Variants in ASCC1 observed in about 807,000 individuals in gnomAD.
The protein encoded by ASCC1 is ASC-1 complex subunit P50.
Under a neutral mutation model 46.6 loss-of-function variants are expected in ASCC1, and 35 were observed. That is an observed-to-expected ratio of 0.75 (90% CI 0.57 to 0.99). The LOEUF is 0.99. ASCC1 is among the 50% of genes least tolerant of loss of function. ASCC1 has a pLI of 0.00. For synonymous variants in ASCC1, 143 were observed against 146.6 expected (o/e 0.98, Z 0.18); for missense variants, 376 against 428.7 (o/e 0.88, Z 1.09).
intron 9 of ASCC1, among the ~76,000 whole-genome samples, chr10:72,099,138 T>C (rs1332126818): frequency 1.3e-5 from 2 of 152,194 alleles, no homozygotes; most frequent in African/African-American, 4.8e-5. Flanking sequence ...GCTACCTTCT[T>C]CTCTTTGTGC....
chr10:72,176,822 G>C (rs950005115), intron 5 of ASCC1, among the ~76,000 whole-genome samples: 1 of 151,984 alleles, frequency 6.6e-6, no homozygotes, highest in Admixed American at 6.6e-5. Flanking sequence ...TACCTCACAA[G>C]TGACATTTCC....
At chr10:72,172,414 C>CA (rs1041390323) in intron 5 of ASCC1, among the ~76,000 whole-genome samples, 4,123 of 39,706 alleles carry the variant, frequency 0.1, 142 homozygotes, top group Non-Finnish European at 0.15. Context: ...AACTCAGTCT[C>CA]AAAAAAAAAA....
At chr10:72,212,730 C>T (rs1453911023) in intron 2 of ASCC1, among the ~76,000 whole-genome samples, 1 of 151,996 alleles carries the variant, frequency 6.6e-6, no homozygotes, top group Non-Finnish European at 1.5e-5. Context: ...TGGCTGTAAT[C>T]CCAGCTACTC....
At chr10:72,103,072 C>T (rs769891740) in intron 9 of ASCC1, 2 of 371,672 alleles carry the variant, frequency 5.4e-6, no homozygotes, top group East Asian at 9.3e-5. Context: ...ATTAAGTAAA[C>T]ACATGTGCCA....
chr10:72,205,428 C>A (rs1351714356), intron 3 of ASCC1, among the ~76,000 whole-genome samples: 1 of 152,038 alleles, frequency 6.6e-6, no homozygotes, highest in Non-Finnish European at 1.5e-5. Context: ...GTGAGGAGAT[C>A]GAGGCCAGCC....
rs1844788803 is a variant in ASCC1, at chr10:72,125,741, A to C, written c.957+2341T>G. Among the ~76,000 whole-genome samples the C allele has an allele frequency of 2.6e-5, 4 of 152,314 alleles. No individual in the cohort carries two copies. The South Asian group carries it at 8.3e-4, about 32-fold the overall frequency. ...CTAGTGATTAAGGAGTAAAATATTA[A>C]ATACTATACTAAAGGATACGTCATC... On this transcript the variant is annotated intron_variant, in intron 9 of 9. Coordinates refer to ENST00000672957, the MANE Select transcript of ASCC1 (RefSeq NM_001198800.3).
At chr10:72,205,420 G>A (rs59263178) in intron 3 of ASCC1, among the ~76,000 whole-genome samples, 1 of 151,560 alleles carries the variant, frequency 6.6e-6, no homozygotes, top group Non-Finnish European at 1.5e-5. Context: ...CACCTGAGGT[G>A]AGGAGATCGA....
chr10:72,197,401 G>A (rs1855603227), intron 4 of ASCC1, among the ~76,000 whole-genome samples: 1 of 150,050 alleles, frequency 6.7e-6, no homozygotes, highest in African/African-American at 2.5e-5. Flanking sequence ...CCAGGAGGTG[G>A]AGCTTGCAGT....
At chr10:72,149,975 C>A (rs1053336020) in intron 7 of ASCC1, among the ~76,000 whole-genome samples, 48 of 152,032 alleles carry the variant, frequency 3.2e-4, no homozygotes, top group African/African-American at 1.1e-3. Context: ...CACGTGAGGT[C>A]AGGGGTTCGA....
At chr10:72,195,788 C>A (rs113639652) in intron 5 of ASCC1, among the ~76,000 whole-genome samples, 20,527 of 150,040 alleles carry the variant, frequency 0.14, 3,998 homozygotes, top group African/African-American at 0.43. Flanking sequence ...GAGCCAAGAT[C>A]GAGCCATTGC....
intron 8 of ASCC1, among the ~76,000 whole-genome samples, chr10:72,129,878 G>A (rs1845365581): frequency 6.7e-6 from 1 of 150,300 alleles, no homozygotes; most frequent in Admixed American, 6.7e-5. Flanking sequence ...CTACTCAGGA[G>A]GCTGAAGTGG....
At chr10:72,164,795 C>T (rs1013094499) in intron 5 of ASCC1, among the ~76,000 whole-genome samples, 3 of 152,086 alleles carry the variant, frequency 2.0e-5, no homozygotes, top group South Asian at 2.1e-4. Context: ...CTGACACTTG[C>T]TTTTTAAAAA....
chr10:72,104,002 T>C (rs1040237839), intron 9 of ASCC1, among the ~76,000 whole-genome samples: 13 of 152,300 alleles, frequency 8.5e-5, no homozygotes, highest in African/African-American at 2.9e-4. Context: ...TTAAATAAAT[T>C]TGTATGTTTT....
intron 9 of ASCC1, among the ~76,000 whole-genome samples, chr10:72,099,936 TTAGTATTTCCGTAGCAATA>T (rs1841547469): frequency 6.6e-6 from 1 of 152,146 alleles, no homozygotes; most frequent in Non-Finnish European, 1.5e-5. Flanking sequence ...CTATGGAAAA[TTAGTATTTCCGTAGCAATA>T]TGGTATTTCC....
At chr10:72,117,978 G>T (rs1207863138) in intron 9 of ASCC1, among the ~76,000 whole-genome samples, 1 of 152,202 alleles carries the variant, frequency 6.6e-6, no homozygotes, top group African/African-American at 2.4e-5. Context: ...TGCTATAATA[G>T]TGCAATGGGA....
At chr10:72,188,641 C>T (rs1853881307) in intron 5 of ASCC1, among the ~76,000 whole-genome samples, 1 of 152,208 alleles carries the variant, frequency 6.6e-6, no homozygotes, top group Admixed American at 6.5e-5. Flanking sequence ...TACCCTTTAT[C>T]TACTCTTCAC....
intron 5 of ASCC1, among the ~76,000 whole-genome samples, chr10:72,184,851 T>A (rs1232107442): frequency 1.3e-5 from 2 of 149,944 alleles, no homozygotes; most frequent in East Asian, 3.9e-4. Context: ...AAATAAGCAA[T>A]ATCACGCACT....
At chr10:72,166,288 C>G (rs1241796296) in intron 5 of ASCC1, among the ~76,000 whole-genome samples, 1 of 152,116 alleles carries the variant, frequency 6.6e-6, no homozygotes, top group African/African-American at 2.4e-5. Context: ...ATAATTCTAT[C>G]AAAGGAAAGT....
chr10:72,116,598 A>G (rs968463994), intron 9 of ASCC1, among the ~76,000 whole-genome samples: 1 of 152,214 alleles, frequency 6.6e-6, no homozygotes, highest in African/African-American at 2.4e-5. Context: ...CTGTCTATGC[A>G]TCATTCTACA....
Sources: allele counts gnomAD v4.1 joint callset (sites outside exome capture counted in the v4.1 genomes callset), GRCh38; gene constraint gnomAD v4.1.1; transcripts MANE v1.5; gene names NCBI Gene and HGNC (gene_info 2026-07-23, HGNC 2026-07-21).